Variants in NKAIN3 observed in about 807,000 individuals in gnomAD.
The protein encoded by NKAIN3 is sodium/potassium-transporting ATPase subunit beta-1-interacting protein 3.
A neutral mutation model predicts 30.2 loss-of-function variants in NKAIN3; 25 were observed. That is an observed-to-expected ratio of 0.83 (90% CI 0.60 to 1.16). The LOEUF (loss-of-function observed/expected upper bound fraction) is 1.16. NKAIN3 is among the 50% of genes most tolerant of loss of function. The pLI, the probability that NKAIN3 is intolerant of heterozygous loss-of-function variation, is 0.00. For missense variants in NKAIN3, 225 were observed against 254.1 expected (o/e 0.89, Z 0.78); for synonymous variants, 91 against 89.6 (o/e 1.02, Z -0.09).
chr8:62,464,557 A>G (rs2129599692), intron 1 of NKAIN3, among the ~76,000 whole-genome samples: 1 of 152,342 alleles, frequency 6.6e-6, no homozygotes, highest in South Asian at 2.1e-4. Context: ...GCTAAAGAGT[A>G]TCTATCTTAA....
chr8:62,878,443 G>A (rs1449648560), intron 4 of NKAIN3, among the ~76,000 whole-genome samples: 2 of 151,920 alleles, frequency 1.3e-5, no homozygotes, highest in East Asian at 1.9e-4. Context: ...TCAACTCCTC[G>A]GACCCTCAAT....
chr8:62,557,165 T>G (rs1005658734), intron 1 of NKAIN3, among the ~76,000 whole-genome samples: 1 of 152,060 alleles, frequency 6.6e-6, no homozygotes, highest in African/African-American at 2.4e-5. Flanking sequence ...TGATGTTTGG[T>G]TTTCCATTCC....
intron 1 of NKAIN3, among the ~76,000 whole-genome samples, chr8:62,341,781 C>T (rs1815754703): frequency 6.6e-6 from 1 of 151,898 alleles, no homozygotes; most frequent in South Asian, 2.1e-4. Context: ...CTTTTGACAA[C>T]ATGAGACCCA....
At chr8:62,766,260 A>G (rs934000901) in intron 4 of NKAIN3, among the ~76,000 whole-genome samples, 4 of 152,128 alleles carry the variant, frequency 2.6e-5, no homozygotes, top group Admixed American at 6.6e-5. Context: ...TACTTTATTA[A>G]CTCATTTGAT....
intron 4 of NKAIN3, among the ~76,000 whole-genome samples, chr8:62,874,114 G>A (rs1024074613): frequency 1.4e-4 from 21 of 148,590 alleles, no homozygotes; most frequent in Non-Finnish European, 2.4e-4. Context: ...AGAGAGAGAA[G>A]AATCAAATAG....
chr8:62,536,874 G>A (rs548274377), intron 1 of NKAIN3, among the ~76,000 whole-genome samples: 5 of 151,882 alleles, frequency 3.3e-5, no homozygotes, highest in Admixed American at 2.6e-4. Context: ...AGCAATCTAC[G>A]AGGCCCTCAT....
intron 3 of NKAIN3, among the ~76,000 whole-genome samples, chr8:62,635,689 A>G (rs914037873): frequency 1.1e-4 from 16 of 152,154 alleles, no homozygotes; most frequent in South Asian, 4.1e-4. Flanking sequence ...GGTGCTGTCT[A>G]TGAACCAGGG....
chr8:62,416,765 C>T (rs1018847139), intron 1 of NKAIN3, among the ~76,000 whole-genome samples: 13 of 151,940 alleles, frequency 8.6e-5, no homozygotes, highest in African/African-American at 2.2e-4. Flanking sequence ...GAGACTGGGG[C>T]GGGCAGATCT....
intron 4 of NKAIN3, among the ~76,000 whole-genome samples, chr8:62,849,295 C>CTT (rs71255367): frequency 8.5e-5 from 9 of 106,074 alleles, no homozygotes; most frequent in African/African-American, 2.5e-4. Context: ...TGGTCCTGGG[C>CTT]TTTTTTTTTT....
chr8:62,986,550 T>G (rs1379203237), downstream of NKAIN3, among the ~76,000 whole-genome samples: 1 of 152,178 alleles, frequency 6.6e-6, no homozygotes, highest in Non-Finnish European at 1.5e-5. Flanking sequence ...CGACACATAT[T>G]AGATGTTCCT....
rs565908337 is a variant in NKAIN3, at chr8:62,941,883, A to G, written c.533-12019A>G. Reference sequence around the variant, plus strand: ...AAGGATGCCCACTTTCACCACTTCTATTCAACACAGTACTGGAAGTCTTAG... The same window carrying G: ...AAGGATGCCCACTTTCACCACTTCTGTTCAACACAGTACTGGAAGTCTTAG... On this transcript the variant is annotated intron_variant, in intron 5 of 6. Transcript: ENST00000623646. 4.6e-5 allele frequency among the ~76,000 whole-genome samples: 7 copies of G among 152,200 alleles called. No individual in the cohort carries two copies. The East Asian group carries it at 1.2e-3, about 25-fold the overall frequency.
chr8:62,308,363 A>G (rs1318053179), intron 1 of NKAIN3, among the ~76,000 whole-genome samples: 1 of 150,152 alleles, frequency 6.7e-6, no homozygotes, highest in African/African-American at 2.5e-5. Context: ...GCATAAAGTA[A>G]GTGTAGTTAT....
intron 3 of NKAIN3, among the ~76,000 whole-genome samples, chr8:62,650,877 A>G (rs1812600951): frequency 6.6e-6 from 1 of 152,130 alleles, no homozygotes; most frequent in Non-Finnish European, 1.5e-5. Flanking sequence ...CACCATTGAG[A>G]ATATTCTAGA....
At chr8:62,803,975 A>G (rs1462394911) in intron 4 of NKAIN3, among the ~76,000 whole-genome samples, 2 of 152,206 alleles carry the variant, frequency 1.3e-5, no homozygotes, top group Non-Finnish European at 2.9e-5. Context: ...ATGAGAGAAT[A>G]CTACAAACAC....
In NKAIN3 at chr8:62,982,069, C is replaced by T. The variant is rs1824095660; in HGVS notation, c.*16662C>T. The T allele has an allele frequency of 6.6e-6, 1 of 152,060 alleles. No individual in the cohort carries two copies. Among genetic ancestry groups the T allele is most frequent in the South Asian group, 2.1e-4 (1 of 4,830 alleles). 9.4% of individuals were successfully genotyped at this position (152,060 alleles called of 1,614,324 possible). A position where few individuals can be genotyped will look rare whatever the true frequency, so the allele number is the denominator to read the frequency against. ...CCTAAAAGAACAGAGATAGAAAACT[C>T]ATATAAAAATCTAAACTACAGTTTT... On this transcript the variant is annotated 3_prime_UTR_variant, in exon 7 of 7. Transcript: ENST00000623646.
At position 62,965,708 on chromosome 8, in the gene NKAIN3, T is replaced by A. The variant is rs1343712478; in HGVS notation, c.*301T>A. 1.0e-6 allele frequency: 1 copy of A among 983,858 alleles called. No homozygotes were observed. Among genetic ancestry groups the A allele is most frequent in the Non-Finnish European group, 1.2e-6 (1 of 828,716 alleles). 60.9% of individuals were successfully genotyped at this position (983,858 alleles called of 1,614,324 possible). A position where few individuals can be genotyped will look rare whatever the true frequency, so the allele number is the denominator to read the frequency against. ...GGCATGCAAAATGAAAAAGCAAATCTGTGAAAACCTTCTACAGTCAATTCT... is the reference window on the plus strand; with the variant it reads ...GGCATGCAAAATGAAAAAGCAAATCAGTGAAAACCTTCTACAGTCAATTCT... On this transcript the variant is annotated 3_prime_UTR_variant, in exon 7 of 7. Coordinates refer to ENST00000623646, the MANE Select transcript of NKAIN3 (RefSeq NM_001304533.3).
chr8:62,275,225 G>T lies in NKAIN3; in HGVS notation c.54+26098G>T, dbSNP rs911431320. ...ACAGTCCCACCAACAGTGTAAAAGT[G>T]TTCCTATTTCTCCACATCCTCTCCA... On this transcript the variant is annotated intron_variant, in intron 1 of 6. Transcript: ENST00000623646. 3.9e-5 allele frequency among the ~76,000 whole-genome samples: 6 copies of T among 152,162 alleles called. No individual in the cohort carries two copies. In the South Asian group the frequency reaches 6.2e-4, roughly 16 times the overall value.
chr8:62,845,285 TTATATATATATATATA>T (rs10525699), intron 4 of NKAIN3, among the ~76,000 whole-genome samples: 10 of 68,928 alleles, frequency 1.5e-4, no homozygotes, highest in African/African-American at 3.4e-4. Context: ...GGATAGTAGA[TTATATATATATATATA>T]TATATATATA....
chr8:62,495,095 C>T (rs1340021917), intron 1 of NKAIN3, among the ~76,000 whole-genome samples: 1 of 152,078 alleles, frequency 6.6e-6, no homozygotes, highest in Non-Finnish European at 1.5e-5. Flanking sequence ...TATTTCCTGT[C>T]TCTTACTATC....
Sources: gnomAD v4.1 joint callset for allele counts (sites outside exome capture counted in the v4.1 genomes callset) on GRCh38, gnomAD v4.1.1 for gene constraint, MANE v1.5 for transcripts, NCBI Gene and HGNC (gene_info 2026-07-23, HGNC 2026-07-21) for gene names.